The following OR6J1 variants were observed in gnomAD, a reference collection of about 807,000 sequenced individuals.
OR6J1 encodes olfactory receptor family 6 subfamily J member 1.
For missense variants in OR6J1, 304 were observed against 166.8 expected (o/e 1.82, Z -4.53); for synonymous variants, 109 against 70.0 (o/e 1.56, Z -2.78).
rs45494902 is a variant in OR6J1, at chr14:22,634,451, G to T, written c.361C>A (p.Arg121Ser). The change falls in exon 2 of 2, where the codon CGT (arginine) becomes AGT (serine). Residue 121 changes from arginine to serine, a missense_variant. Arg to Ser is a moderately radical substitution (Grantham distance 110). Coordinates refer to ENST00000540461, the MANE Select transcript of OR6J1 (RefSeq NM_001348233.2). Reference protein sequence around the residue: ...FLLLTVMSYDRYATICCPLRY... With the variant: ...FLLLTVMSYDSYATICCPLRY... Reference sequence around the variant, plus strand: ...AGGGGGCAGCAGATGGTGGCATAACGGTCATAGGACATGACCGTCAGCAGG... The same window carrying T: ...AGGGGGCAGCAGATGGTGGCATAACTGTCATAGGACATGACCGTCAGCAGG... The T allele has an allele frequency of 2.8e-6, 2 of 703,314 alleles. No homozygotes were observed. The highest frequency in any genetic ancestry group is 3.0e-5 in the South Asian group (2 of 67,586). The allele number at this position is 703,314 out of a possible 1,614,324, so 43.6% of individuals were successfully genotyped here.
rs1396084474 is a variant in OR6J1 at position 22,641,257 on chromosome 14, GAA to G, written c.-28+2839_-28+2840del. Reference sequence around the variant, plus strand: ...AGAAAGAAAGAAAGAAAGAAAGAAAGAAAGAAAGAAAGGAAGGAAGGAAGAAA... The same window carrying G: ...AGAAAGAAAGAAAGAAAGAAAGAAAGAGAAAGAAAGGAAGGAAGGAAGAAA... On this transcript the variant is annotated intron_variant, in intron 1 of 1. Coordinates refer to ENST00000540461, the MANE Select transcript of OR6J1 (RefSeq NM_001348233.2). Among the ~76,000 whole-genome samples, 17 of 111,712 alleles carry G rather than the reference GAA, an allele frequency of 1.5e-4. 4 individuals are homozygous for G. The South Asian group carries it at 3.5e-3, about 23-fold the overall frequency. 73.3% of individuals were successfully genotyped at this position (111,712 alleles called of 152,430 possible).
chr14:22,642,540 G>A (rs936403559), intron 1 of OR6J1, among the ~76,000 whole-genome samples: 13 of 151,456 alleles, frequency 8.6e-5, no homozygotes, highest in South Asian at 2.1e-4. Context: ...AGGTTTCACC[G>A]TGTTGGTCAG....
In OR6J1 at chr14:22,634,155, G is replaced by A. The variant is rs1294351569; in HGVS notation, c.657C>T (p.Tyr219=). 1.4e-6 allele frequency: 1 copy of A among 703,336 alleles called. No individual in the cohort carries two copies. Among genetic ancestry groups the A allele is most frequent in the Non-Finnish European group, 2.6e-6 (1 of 384,992 alleles). 43.6% of individuals were successfully genotyped at this position (703,336 alleles called of 1,614,324 possible). Residue 219 remains tyrosine, a synonymous_variant, in exon 2 of 2, where the codon TAC becomes TAT. Coordinates refer to ENST00000540461, the MANE Select transcript of OR6J1 (RefSeq NM_001348233.2). ...CIVLVAYSYT[Y]IILTIVRIPS... ...GAATGCGCACTATGGTCAAGATGAT[G>A]TACGTATAGGAATAGGCCACGAGGA... is the stretch of plus-strand genomic sequence containing the variant.
intron 1 of OR6J1, among the ~76,000 whole-genome samples, chr14:22,639,188 G>C (rs1456097723): frequency 5.9e-5 from 7 of 118,776 alleles, no homozygotes; most frequent in African/African-American, 3.4e-4. Flanking sequence ...TCTGGGAAGT[G>C]AGGAGCGTCT....
At position 22,634,632 on chromosome 14, in the gene OR6J1, G is replaced by A. The variant is rs368204806; in HGVS notation, c.180C>T (p.Phe60=). ...SCSRLHTPMY[F]FLCNLSILDI... is the part of the protein sequence containing the mutation. ...CCAGGATAGAGAGGTTGCACAAGAA[G>A]AAGTACATGGGGGTGTGGAGGCGGG... Residue 60 remains phenylalanine, a synonymous_variant, in exon 2 of 2, where the codon TTC becomes TTT. Coordinates refer to ENST00000540461, the MANE Select transcript of OR6J1 (RefSeq NM_001348233.2). 1 of 742,622 alleles carries A rather than the reference G, an allele frequency of 1.3e-6. No homozygotes were observed. Among genetic ancestry groups the A allele is most frequent in the East Asian group, 2.5e-5 (1 of 39,992 alleles). 46.0% of individuals were successfully genotyped at this position (742,622 alleles called of 1,614,324 possible).
At chr14:22,635,946 A>T (rs866982579) in intron 1 of OR6J1, among the ~76,000 whole-genome samples, 24 of 152,274 alleles carry the variant, frequency 1.6e-4, no homozygotes, top group Non-Finnish European at 2.5e-4. Context: ...ATTAAGCTAC[A>T]TTAAAATGAA....
At position 22,631,304 on chromosome 14, in the gene OR6J1, T is replaced by C. The variant is rs1487033833; in HGVS notation, c.*2464A>G. On this transcript the variant is annotated 3_prime_UTR_variant, in exon 2 of 2. Transcript: ENST00000540461. ...GGGAGCGCTATGGGAGACTGGGGTCTATTTGACCCCTACAGTCTACAGACC... is the reference window on the plus strand; with the variant it reads ...GGGAGCGCTATGGGAGACTGGGGTCCATTTGACCCCTACAGTCTACAGACC... 1 of 152,186 alleles carries C rather than the reference T, an allele frequency of 6.6e-6. No individual in the cohort carries two copies. Among genetic ancestry groups the C allele is most frequent in the Non-Finnish European group, 1.5e-5 (1 of 68,034 alleles). 9.4% of individuals were successfully genotyped at this position (152,186 alleles called of 1,614,324 possible).
In OR6J1 at chr14:22,633,735, G is replaced by T. The variant is rs1301238097; in HGVS notation, c.*33C>A. On this transcript the variant is annotated 3_prime_UTR_variant, in exon 2 of 2. Coordinates refer to ENST00000540461, the MANE Select transcript of OR6J1 (RefSeq NM_001348233.2). ...TAGACTATTCAGAATTCCTTAGCTA[G>T]CTCACTCTTTCACTAAGGCAGCTCC... 7.8e-6 allele frequency: 5 copies of T among 637,338 alleles called. No individual in the cohort carries two copies. The highest frequency in any genetic ancestry group is 1.4e-5 in the Non-Finnish European group (5 of 357,136). 39.5% of individuals were successfully genotyped at this position (637,338 alleles called of 1,614,324 possible). A position where few individuals can be genotyped will look rare whatever the true frequency, so the allele number is the denominator to read the frequency against.
chr14:22,641,238 AAAGAAAG>A, intron 1 of OR6J1, among the ~76,000 whole-genome samples: 1 of 32,304 alleles, frequency 3.1e-5, no homozygotes, highest in Non-Finnish European at 7.0e-5. Context: ...AGAAAGAAAG[AAAGAAAG>A]AAAGAAAGAA....
chr14:22,633,822 T>C lies in OR6J1; in HGVS notation c.990A>G (p.Gln330=). 1 of 702,070 alleles carries C rather than the reference T, an allele frequency of 1.4e-6. No homozygotes were observed. Among genetic ancestry groups the C allele is most frequent in the Non-Finnish European group, 2.6e-6 (1 of 384,370 alleles). 43.5% of individuals were successfully genotyped at this position (702,070 alleles called of 1,614,324 possible). ...RSRLSSNKDH[Q]GRACSSPPCV... Reference sequence around the variant, plus strand: ...ATGGTGGAGAAGAGCAAGCCCTTCCTTGGTGGTCTTTGTTGGAGGATAATC... The same window carrying C: ...ATGGTGGAGAAGAGCAAGCCCTTCCCTGGTGGTCTTTGTTGGAGGATAATC... Residue 330 remains glutamine (Q), a synonymous_variant, in exon 2 of 2, where the codon CAA becomes CAG. Transcript: ENST00000540461.
At chr14:22,637,616 C>T (rs2037601555) in intron 1 of OR6J1, among the ~76,000 whole-genome samples, 1 of 70,162 alleles carries the variant, frequency 1.4e-5, no homozygotes, top group East Asian at 4.1e-4. Flanking sequence ...GGCCAGCCGC[C>T]CCATCCGGGA....
intron 1 of OR6J1, among the ~76,000 whole-genome samples, chr14:22,635,486 G>A (rs1158099115): frequency 6.6e-6 from 1 of 152,104 alleles, no homozygotes; most frequent in African/African-American, 2.4e-5. Context: ...TGCCATTTTG[G>A]GGGAGAGATG....
intron 1 of OR6J1, among the ~76,000 whole-genome samples, chr14:22,635,559 A>G (rs1631791): frequency 0.23 from 35,344 of 152,114 alleles, 4,397 homozygotes; most frequent in African/African-American, 0.32. Context: ...TCAGGGAAGG[A>G]GCTTGCATTG....
chr14:22,638,685 T>TAAAAA (rs1566396382), intron 1 of OR6J1, among the ~76,000 whole-genome samples: 1 of 139,652 alleles, frequency 7.2e-6, no homozygotes, highest in African/African-American at 3.2e-5. Flanking sequence ...TAAAAAAAAT[T>TAAAAA]AAGACACTAG....
At chr14:22,636,787 G>A (rs2139293099) in intron 1 of OR6J1, among the ~76,000 whole-genome samples, 1 of 118,374 alleles carries the variant, frequency 8.4e-6, no homozygotes, top group Admixed American at 7.6e-5. Flanking sequence ...CCAGCCGCCT[G>A]CCTTGGCCCC....
chr14:22,637,939 C>A (rs1334432612), intron 1 of OR6J1, among the ~76,000 whole-genome samples: 2 of 86,490 alleles, frequency 2.3e-5, no homozygotes, highest in Admixed American at 9.1e-5. Flanking sequence ...CCGCCCCGTC[C>A]GGGAGGTGAG....
In OR6J1 at chr14:22,639,546, G is replaced by T. The variant is rs1207432632; in HGVS notation, c.-28+4552C>A. Among the ~76,000 whole-genome samples, 2 of 124,522 alleles carry T rather than the reference G, an allele frequency of 1.6e-5. 1 individual carries two copies. Among genetic ancestry groups the T allele is most frequent in the Admixed American group, 1.5e-4 (2 of 13,600 alleles). The allele number at this position is 124,522 out of a possible 152,430, so 81.7% of individuals were successfully genotyped here. ...TGGCGGCTTTGTGGAATAGAAAGGC[G>T]GGAAAGGTGGGGAAAAGATTGAGAA... On this transcript the variant is annotated intron_variant, in intron 1 of 1. Transcript: ENST00000540461.
In OR6J1 at chr14:22,634,138, A is replaced by G; in HGVS notation, c.674T>C (p.Val225Ala). ...CCTTCCACTTGCAGAAGGAATGCGC[A>G]CTATGGTCAAGATGATGTACGTATA... ...YSYTYIILTI[V>A]RIPSASGRKK... Residue 225 changes from valine to alanine, a missense_variant, in exon 2 of 2, where the codon GTG (valine) becomes GCG (alanine). Coordinates refer to ENST00000540461, the MANE Select transcript of OR6J1 (RefSeq NM_001348233.2). 1 of 703,414 alleles carries G rather than the reference A, an allele frequency of 1.4e-6. No individual in the cohort carries two copies. The highest frequency in any genetic ancestry group is 2.6e-6 in the Non-Finnish European group (1 of 384,968). The allele number at this position is 703,414 out of a possible 1,614,324, so 43.6% of individuals were successfully genotyped here.
rs1753430 is a variant in OR6J1, at chr14:22,634,064, A to G, written c.748T>C (p.Ser250Pro). The G allele has an allele frequency of 0.5, 348,267 of 702,714 alleles. 91,492 individuals carry two copies. The highest frequency in any genetic ancestry group is 0.68 in the East Asian group (25,222 of 37,284). The allele number at this position is 702,714 out of a possible 1,614,324, so 43.5% of individuals were successfully genotyped here. ...TAGATAAACACAGTGATGCCACTAG[A>G]AATGATGACTATGGTCAGGTGGGAA... is the stretch of plus-strand genomic sequence containing the variant. ...CASHLTIVIISSGITVFIYVT... is the reference protein window; with the variant it reads ...CASHLTIVIIPSGITVFIYVT... The change falls in exon 2 of 2, where the codon TCT becomes CCT. Residue 250 changes from serine (S) to proline (P), a missense_variant. By Grantham distance (74) the Ser-to-Pro change is moderately conservative (BLOSUM62 -1). Transcript: ENST00000540461.
Sources: gnomAD v4.1 joint callset for allele counts (sites outside exome capture counted in the v4.1 genomes callset) on GRCh38, gnomAD v4.1.1 for gene constraint, MANE v1.5 for transcripts, NCBI Gene and HGNC (gene_info 2026-07-23, HGNC 2026-07-21) for gene names.